Variants in HPSE2 observed in about 807,000 individuals in gnomAD.
HPSE2 encodes the protein inactive heparanase-2.
HPSE2 carries 38 observed loss-of-function variants against 60.5 expected under a neutral mutation model. That is an observed-to-expected ratio of 0.63 (90% CI 0.48 to 0.82). The LOEUF is 0.82. HPSE2 is among the 40% of genes least tolerant of loss of function. The pLI is 0.00. For missense variants in HPSE2, 713 were observed against 740.4 expected (o/e 0.96, Z 0.43); for synonymous variants, 295 against 293.2 (o/e 1.01, Z -0.06).
intron 3 of HPSE2, among the ~76,000 whole-genome samples, chr10:99,088,951 A>C (rs573910114): frequency 9.6e-4 from 146 of 152,160 alleles, no homozygotes; most frequent in African/African-American, 3.3e-3. Context: ...AACATTTTTC[A>C]TGTTTGTTGG....
At chr10:98,611,912 T>C (rs1019569180) in intron 9 of HPSE2, among the ~76,000 whole-genome samples, 1 of 152,240 alleles carries the variant, frequency 6.6e-6, no homozygotes, top group African/African-American at 2.4e-5. Context: ...TCTCTTCCTA[T>C]GAACTTCTAT....
chr10:98,984,106 G>A (rs72836788), intron 3 of HPSE2, among the ~76,000 whole-genome samples: 23,159 of 152,224 alleles, frequency 0.15, 2,649 homozygotes, highest in African/African-American at 0.31. Context: ...AACATCTGCA[G>A]ACTTAAATGT....
chr10:98,821,338 C>T (rs1387644918), intron 3 of HPSE2, among the ~76,000 whole-genome samples: 1 of 152,116 alleles, frequency 6.6e-6, no homozygotes, highest in African/African-American at 2.4e-5. Context: ...AGGCTAAAAA[C>T]CTGTATAGCA....
At chr10:98,944,643 G>T (rs1393139791) in intron 3 of HPSE2, among the ~76,000 whole-genome samples, 1 of 152,136 alleles carries the variant, frequency 6.6e-6, no homozygotes, top group Non-Finnish European at 1.5e-5. Context: ...TTAGAGGGGA[G>T]AAGGGATTAG....
intron 4 of HPSE2, among the ~76,000 whole-genome samples, chr10:98,737,996 T>C (rs911281378): frequency 3.3e-5 from 5 of 152,142 alleles, no homozygotes; most frequent in East Asian, 1.9e-4. Flanking sequence ...ATATTTCATA[T>C]GGAAACAAAA....
At chr10:98,834,817 G>C (rs910103941) in intron 3 of HPSE2, among the ~76,000 whole-genome samples, 2 of 151,014 alleles carry the variant, frequency 1.3e-5, no homozygotes, top group Non-Finnish European at 2.9e-5. Context: ...CTTCTATTAG[G>C]CCAGGCTTTA....
At chr10:98,780,319 G>C (rs968195015) in intron 3 of HPSE2, among the ~76,000 whole-genome samples, 24 of 152,108 alleles carry the variant, frequency 1.6e-4, no homozygotes, top group African/African-American at 5.8e-4. Context: ...TTAGTTTATA[G>C]TGTTGGCAAT....
At chr10:99,113,734 A>C (rs891946370) in intron 3 of HPSE2, among the ~76,000 whole-genome samples, 1 of 152,210 alleles carries the variant, frequency 6.6e-6, no homozygotes, top group Admixed American at 6.5e-5. Flanking sequence ...TAGTTTTTTA[A>C]TAACAGACTT....
At chr10:98,539,038 G>C (rs1318220418) in intron 9 of HPSE2, among the ~76,000 whole-genome samples, 1 of 152,164 alleles carries the variant, frequency 6.6e-6, no homozygotes, top group Non-Finnish European at 1.5e-5. Flanking sequence ...TCAGAATACT[G>C]TTCTCCAGAA....
chr10:98,834,642 T>C (rs1951753301), intron 3 of HPSE2, among the ~76,000 whole-genome samples: 1 of 152,052 alleles, frequency 6.6e-6, no homozygotes, highest in South Asian at 2.1e-4. Context: ...TACCCAGAGG[T>C]TCTCAAAGTG....
chr10:99,111,034 A>C (rs1844437363), intron 3 of HPSE2, among the ~76,000 whole-genome samples: 1 of 152,120 alleles, frequency 6.6e-6, no homozygotes, highest in Non-Finnish European at 1.5e-5. Context: ...GTGTATCTAG[A>C]TAGCCAGTTG....
intron 2 of HPSE2, among the ~76,000 whole-genome samples, chr10:99,189,514 A>G (rs1848146097): frequency 6.6e-6 from 1 of 152,210 alleles, no homozygotes; most frequent in South Asian, 2.1e-4. Context: ...TTGTGTTGAA[A>G]TTCTAATAAA....
chr10:98,599,871 C>T (rs1426177113), intron 9 of HPSE2, among the ~76,000 whole-genome samples: 1 of 152,160 alleles, frequency 6.6e-6, no homozygotes, highest in Non-Finnish European at 1.5e-5. Context: ...TCCTATTCTG[C>T]CATCTTGCTG....
chr10:98,586,248 C>T (rs1944937498), intron 9 of HPSE2, among the ~76,000 whole-genome samples: 1 of 152,098 alleles, frequency 6.6e-6, no homozygotes, highest in Non-Finnish European at 1.5e-5. Context: ...GCAGATGCAT[C>T]GTATTTTGAC....
chr10:98,492,072 CT>C (rs747699912), intron 9 of HPSE2, among the ~76,000 whole-genome samples: 4 of 152,300 alleles, frequency 2.6e-5, no homozygotes, highest in South Asian at 4.1e-4. Context: ...ACAAACACCC[CT>C]GTTTTTATTT....
intron 3 of HPSE2, among the ~76,000 whole-genome samples, chr10:99,047,368 C>T (rs1396152525): frequency 6.6e-6 from 1 of 152,056 alleles, no homozygotes; most frequent in Admixed American, 6.6e-5. Context: ...CTATAAAAAT[C>T]CTAGAAGAAA....
At chr10:98,729,944 A>T (rs561858871) in intron 4 of HPSE2, among the ~76,000 whole-genome samples, 2 of 152,132 alleles carry the variant, frequency 1.3e-5, no homozygotes, top group South Asian at 4.1e-4. Context: ...ACGACTGGAT[A>T]AAAAAATCAG....
At chr10:99,009,242 A>C (rs1042884554) in intron 3 of HPSE2, among the ~76,000 whole-genome samples, 673 of 12,240 alleles carry the variant, frequency 0.055, 3 homozygotes, top group South Asian at 0.12. Flanking sequence ...AGTGTCTACA[A>C]AAAAAAAAAA....
intron 3 of HPSE2, among the ~76,000 whole-genome samples, chr10:98,869,849 CAA>C (rs1054676660): frequency 5.9e-5 from 9 of 152,032 alleles, no homozygotes; most frequent in African/African-American, 2.2e-4. Flanking sequence ...GGCATACTGT[CAA>C]AGTCTATTAT....
Sources: allele counts gnomAD v4.1 joint callset (sites outside exome capture counted in the v4.1 genomes callset), GRCh38; gene constraint gnomAD v4.1.1; transcripts MANE v1.5; gene names NCBI Gene and HGNC (gene_info 2026-07-23, HGNC 2026-07-21).